The following SLC4A5 variants were observed in gnomAD, a reference collection of about 807,000 sequenced individuals.
The protein encoded by SLC4A5 is electrogenic sodium bicarbonate cotransporter 4.
A neutral mutation model predicts 120.4 loss-of-function variants in SLC4A5; 96 were observed. The observed-to-expected ratio is 0.80, with a 90% CI of 0.68 to 0.94. The LOEUF (loss-of-function observed/expected upper bound fraction) is 0.94, where lower values mean the gene tolerates loss of function less well. SLC4A5 is among the 40% of genes least tolerant of loss of function. SLC4A5 has a pLI of 0.00. For synonymous variants in SLC4A5, 550 were observed against 571.1 expected (o/e 0.96, Z 0.53); for missense variants, 1,259 against 1,459.5 (o/e 0.86, Z 2.24).
At chr2:74,342,404 G>A (rs543147377) in intron 2 of SLC4A5, 54 bp downstream of exon 2, 1 of 152,330 alleles carries the variant, frequency 6.6e-6, no homozygotes, top group East Asian at 1.9e-4. Flanking sequence ...TGTGGGAAAA[G>A]ATGACTCTCC....
At position 74,264,489 on chromosome 2, in the gene SLC4A5, C is replaced by CGTGTGTGTGTGTGTGTGTGTGTGT. The variant is rs59538523; in HGVS notation, c.563-214_563-191dup. On this transcript the variant is annotated intron_variant, in intron 9 of 30. Transcript: ENST00000394019. ...CTTGGCCTCCTCCTGTTCAAGGGCA[C>CGTGTGTGTGTGTGTGTGTGTGTGT]GTGTGTGTGTGTGTGTGTGTGTGTG... Among the ~76,000 whole-genome samples, 78 of 143,748 alleles carry CGTGTGTGTGTGTGTGTGTGTGTGT rather than the reference C, an allele frequency of 5.4e-4. 1 individual carries two copies. The highest frequency in any genetic ancestry group is 3.4e-3 in the Middle Eastern group (1 of 294). The allele number at this position is 143,748 out of a possible 152,430, so 94.3% of individuals were successfully genotyped here.
exon 23 of SLC4A5, chr2:74,233,544 C>T (rs1351336447): frequency 1.9e-6 from 3 of 1,613,648 alleles, no homozygotes; most frequent in Admixed American, 1.7e-5. Context: ...CACGAACCAG[C>T]CTCGGTCAGG....
chr2:74,245,014 A>G (rs1670565724), intron 19 of SLC4A5, among the ~76,000 whole-genome samples: 1 of 152,110 alleles, frequency 6.6e-6, no homozygotes, highest in African/African-American at 2.4e-5. Context: ...TCCTGTGTAT[A>G]GATGATTCTC....
chr2:74,332,361 G>T (rs191046514), intron 4 of SLC4A5, among the ~76,000 whole-genome samples: 1 of 152,228 alleles, frequency 6.6e-6, no homozygotes, highest in East Asian at 1.9e-4. Flanking sequence ...CAGATGTTGG[G>T]ACTCTTAATG....
chr2:74,264,445 A>G, intron 9 of SLC4A5, 146 bp from the exon 10 acceptor site: 3 of 868,438 alleles, frequency 3.5e-6, no homozygotes, highest in Non-Finnish European at 5.1e-6. Flanking sequence ...GCTGTGGAAA[A>G]CTGGGCACAT....
chr2:74,225,128 G>A (rs982174264), intron 27 of SLC4A5, 133 bp from the exon 28 acceptor site: 18 of 774,912 alleles, frequency 2.3e-5, no homozygotes, highest in African/African-American at 8.8e-5. Context: ...CTTTGGAGCC[G>A]TCTCGAAGCT....
At chr2:74,266,670 ATAGAT>A (rs1466971066) in intron 8 of SLC4A5, among the ~76,000 whole-genome samples, 11 of 152,342 alleles carry the variant, frequency 7.2e-5, no homozygotes, top group African/African-American at 2.6e-4. Context: ...TAAATTCTTC[ATAGAT>A]TAAAGTCTAA....
intron 19 of SLC4A5, among the ~76,000 whole-genome samples, chr2:74,244,406 C>G (rs1379237833): frequency 6.7e-6 from 1 of 149,386 alleles, no homozygotes; most frequent in Non-Finnish European, 1.5e-5. Context: ...TCCCTCCCCC[C>G]TTCCTTCCCT....
chr2:74,255,065 C>T lies in SLC4A5; in HGVS notation c.1026-359G>A, dbSNP rs1376557160. On this transcript the variant is annotated intron_variant, in intron 13 of 30. Transcript: ENST00000394019. This position sits in a 1 kb window ranked among gnomAD's most constrained non-coding sequence, Gnocchi z 4.0. The stretch of plus-strand genomic sequence containing the variant: ...CCAACTCCTGGGCTCGAGCAATTCA[C>T]CCGCCTTGGCCTCCCAGAGTGCTGG... Among the ~76,000 whole-genome samples, 1 of 152,106 alleles carries T rather than the reference C, an allele frequency of 6.6e-6. No individual in the cohort carries two copies. The highest frequency in any genetic ancestry group is 2.4e-5 in the African/African-American group (1 of 41,418).
At chr2:74,338,673 C>T (rs1673552914) in intron 3 of SLC4A5, among the ~76,000 whole-genome samples, 182 bp downstream of exon 3, 3 of 152,100 alleles carry the variant, frequency 2.0e-5, no homozygotes, top group African/African-American at 7.2e-5. Context: ...ATACAAAAGT[C>T]AGCCAGGTGT....
chr2:74,257,945 T>C (rs758556547), intron 12 of SLC4A5, among the ~76,000 whole-genome samples: 16 of 152,166 alleles, frequency 1.1e-4, no homozygotes, highest in Non-Finnish European at 1.6e-4. Context: ...CCTTACACGT[T>C]GTGACATGTT....
intron 5 of SLC4A5, among the ~76,000 whole-genome samples, chr2:74,320,170 C>A: frequency 1.3e-5 from 2 of 151,152 alleles, no homozygotes; most frequent in East Asian, 1.9e-4. Context: ...TCCAGGAGGC[C>A]CAAACATCAA....
chr2:74,265,403 G>T, intron 8 of SLC4A5, 139 bp from the exon 9 acceptor site: 1 of 961,724 alleles, frequency 1.0e-6, no homozygotes. Flanking sequence ...CACAGGCAGA[G>T]GATCTCTTGG....
intron 17 of SLC4A5, 84 bp downstream of exon 17, chr2:74,250,256 GTTT>G (rs1346403430): frequency 1.4e-6 from 2 of 1,431,416 alleles, no homozygotes; most frequent in African/African-American, 2.9e-5. Flanking sequence ...TGAAACCTTG[GTTT>G]TGGGATTACA....
At chr2:74,280,837 AC>A (rs1671790509) in intron 8 of SLC4A5, among the ~76,000 whole-genome samples, 1 of 151,956 alleles carries the variant, frequency 6.6e-6, no homozygotes, top group Non-Finnish European at 1.5e-5. Flanking sequence ...GGCACCCACC[AC>A]CATGCCTGGT....
At chr2:74,325,540 G>T (rs1023362234) in intron 5 of SLC4A5, among the ~76,000 whole-genome samples, 9 of 152,292 alleles carry the variant, frequency 5.9e-5, no homozygotes, top group Admixed American at 4.6e-4. Context: ...GTTTGGATTA[G>T]CTCTGCTCTG....
Position 74,235,283 on chromosome 2 carries a change from C to T in SLC4A5, c.2320-69G>A, listed in dbSNP as rs967932342. ...CCACCCAGCTCCAGGCAGCCCCAGTCCTCCGGCAGCAAAGAGGTGAACTAT... is the reference window on the plus strand; with the variant it reads ...CCACCCAGCTCCAGGCAGCCCCAGTTCTCCGGCAGCAAAGAGGTGAACTAT... On this transcript the variant is annotated intron_variant, in intron 21 of 30. Transcript: ENST00000394019. 6 of 1,171,362 alleles carry T rather than the reference C, an allele frequency of 5.1e-6. No homozygotes were observed. The African/African-American group carries it at 9.1e-5, about 18-fold the overall frequency. The allele number at this position is 1,171,362 out of a possible 1,614,324, so 72.6% of individuals were successfully genotyped here.
At chr2:74,242,305 A>T (rs1162848079) in intron 19 of SLC4A5, among the ~76,000 whole-genome samples, 2 of 152,204 alleles carry the variant, frequency 1.3e-5, no homozygotes, top group Non-Finnish European at 2.9e-5. Flanking sequence ...TGGTTTTAAA[A>T]ACTGAAATAA....
chr2:74,250,436 C>T (rs749045635), exon 17 of SLC4A5: 1 of 1,614,144 alleles, frequency 6.2e-7, no homozygotes, highest in Admixed American at 1.7e-5. Context: ...CAGAGATGGA[C>T]TGAATGTGGA....
Sources: allele counts gnomAD v4.1 joint callset (sites outside exome capture counted in the v4.1 genomes callset), GRCh38; gene constraint gnomAD v4.1.1; non-coding constraint Gnocchi (gnomAD v3.1); transcripts MANE v1.5; gene names NCBI Gene and HGNC (gene_info 2026-07-23, HGNC 2026-07-21).